Variants in TICRR observed in about 807,000 individuals in gnomAD.
TICRR encodes the protein treslin.
Under a neutral mutation model 178.1 loss-of-function variants are expected in TICRR, and 132 were observed. The ratio of observed to expected loss-of-function variants is 0.74; its 90% CI spans 0.64 to 0.86. The LOEUF is 0.86. Among genes scored for constraint, TICRR ranks in the 40% least tolerant of loss-of-function variants. TICRR has a pLI of 0.00. For missense variants in TICRR, 2,587 were observed against 2,334.3 expected (o/e 1.11, Z -2.23); for synonymous variants, 991 against 900.7 (o/e 1.10, Z -1.79).
At chr15:89,616,957 G>T (rs1388747449) in intron 16 of TICRR, among the ~76,000 whole-genome samples, 1 of 152,072 alleles carries the variant, frequency 6.6e-6, no homozygotes, top group Non-Finnish European at 1.5e-5. Context: ...TCTTTGGCTT[G>T]AGAGCTCTCC....
chr15:89,599,278 C>A (rs1963052897), intron 7 of TICRR, 46 bp from the exon 8 acceptor site: 1 of 1,491,120 alleles, frequency 6.7e-7, no homozygotes, highest in African/African-American at 1.4e-5. Context: ...AATACAAGGA[C>A]TTGAGCAAGA....
chr15:89,600,485 A>C (rs1963074962), intron 8 of TICRR, 100 bp from the exon 9 acceptor site: 1 of 488,014 alleles, frequency 2.0e-6, no homozygotes, highest in African/African-American at 2.0e-5. Context: ...AGAATAGAGA[A>C]GTTTATAAGG....
chr15:89,580,592 A>C (rs1230201762), intron 1 of TICRR, among the ~76,000 whole-genome samples: 1 of 152,242 alleles, frequency 6.6e-6, no homozygotes, highest in Non-Finnish European at 1.5e-5. Context: ...TGAAAAGTTT[A>C]GATAGATTAG....
At chr15:89,581,154 A>G (rs968016392) in intron 1 of TICRR, among the ~76,000 whole-genome samples, 6 of 152,190 alleles carry the variant, frequency 3.9e-5, no homozygotes, top group Non-Finnish European at 7.3e-5. Flanking sequence ...CTTGACTACA[A>G]TGGGAAGTTT....
At chr15:89,590,277 C>T (rs1962888662) in intron 4 of TICRR, among the ~76,000 whole-genome samples, 1 of 152,182 alleles carries the variant, frequency 6.6e-6, no homozygotes, top group African/African-American at 2.4e-5. Context: ...ACTTTGAATT[C>T]AGCTGCTACT....
At chr15:89,576,308 C>T (rs550950569) in intron 1 of TICRR, 68 bp downstream of exon 1, 16 of 1,423,232 alleles carry the variant, frequency 1.1e-5, no homozygotes, top group African/African-American at 2.9e-5. Flanking sequence ...AACTTGGCAG[C>T]GTCCTTAGAA....
In TICRR at chr15:89,621,430, T is replaced by C; in HGVS notation, c.3192T>C (p.Ser1064=). ...ATTCTCCAGTCCAAAGTATTCGGTC[T>C]CCCAAGAGTCTTCTTTTTGGGGCAA... is the stretch of plus-strand genomic sequence containing the variant. ...RENSPVQSIR[S]PKSLLFGAMS... is the part of the protein sequence containing the mutation. Residue 1064 remains serine, a synonymous_variant, in exon 19 of 22, where the codon TCT becomes TCC. Coordinates refer to ENST00000268138, the MANE Select transcript of TICRR (RefSeq NM_152259.4). 1 of 1,611,210 alleles carries C rather than the reference T, an allele frequency of 6.2e-7. No individual in the cohort carries two copies. Among genetic ancestry groups the C allele is most frequent in the Non-Finnish European group, 8.5e-7 (1 of 1,179,278 alleles).
rs138156916 is a variant in TICRR, at chr15:89,592,026, G to A, written c.1412-21G>A. 32 of 1,592,862 alleles carry A rather than the reference G, an allele frequency of 2.0e-5. No homozygotes were observed. In the South Asian group the frequency reaches 2.3e-4, roughly 12 times the overall value. The stretch of plus-strand genomic sequence containing the variant: ...TTCTCATGCTGTTTCCTCTCCTGCC[G>A]CTGCTCCTTTGCTCCAATAGCTTCT... On this transcript the variant is annotated intron_variant, in intron 4 of 21. Coordinates refer to ENST00000268138, the MANE Select transcript of TICRR (RefSeq NM_152259.4).
chr15:89,613,612 T>G (rs1364789731), intron 15 of TICRR, among the ~76,000 whole-genome samples: 2 of 152,170 alleles, frequency 1.3e-5, no homozygotes, highest in Non-Finnish European at 2.9e-5. Context: ...TCTTTTGTCT[T>G]TATCTTCCTT....
At position 89,625,726 on chromosome 15, in the gene TICRR, T is replaced by C. The variant is rs1963510482; in HGVS notation, c.5416T>C (p.Ser1806Pro). ...DSEVSKSKEG[S>P]PSWSAWQLPS... ...AGAAGTTAGTAAGAGTAAAGAGGGG[T>C]CTCCAAGTTGGAGTGCATGGCAGCT... is the stretch of plus-strand genomic sequence containing the variant. The change falls in exon 20 of 22, where the codon TCT becomes CCT. Residue 1806 changes from serine to proline, a missense_variant. Physicochemically the swap from Ser to Pro is moderately conservative, Grantham distance 74. Coordinates refer to ENST00000268138, the MANE Select transcript of TICRR (RefSeq NM_152259.4). The C allele has an allele frequency of 6.2e-7, 1 of 1,612,448 alleles. No homozygotes were observed. Among genetic ancestry groups the C allele is most frequent in the East Asian group, 2.2e-5 (1 of 44,820 alleles).
At chr15:89,589,977 A>T (rs1185856143) in intron 4 of TICRR, among the ~76,000 whole-genome samples, 2 of 152,134 alleles carry the variant, frequency 1.3e-5, no homozygotes, top group Non-Finnish European at 2.9e-5. Flanking sequence ...ATCCTAATAA[A>T]AATTCTAGTT....
chr15:89,575,664 C>G lies in TICRR; in HGVS notation c.78C>G (p.Ala26=). The G allele has an allele frequency of 6.3e-7, 1 of 1,579,726 alleles. No homozygotes were observed. Among genetic ancestry groups the G allele is most frequent in the Non-Finnish European group, 8.6e-7 (1 of 1,165,244 alleles). ...CCCGCCACAGCCGGGTCCGGCGGGCCGCCCTGCGCCTCCTCACCTATCTGA... is the reference window on the plus strand; with the variant it reads ...CCCGCCACAGCCGGGTCCGGCGGGCGGCCCTGCGCCTCCTCACCTATCTGA... ...GAARHSRVRR[A]ALRLLTYLSC... is the part of the protein sequence containing the mutation. The change falls in exon 1 of 22, where the codon GCC becomes GCG. Residue 26 remains alanine, a synonymous_variant. Transcript: ENST00000268138.
rs1309236651 is a variant in TICRR at position 89,601,288 on chromosome 15, TTC to T, written c.2154-5_2154-4del. 1 of 1,613,688 alleles carries T rather than the reference TTC, an allele frequency of 6.2e-7. No homozygotes were observed. Among genetic ancestry groups the T allele is most frequent in the East Asian group, 2.2e-5 (1 of 44,878 alleles). On this transcript the variant is annotated splice_polypyrimidine_tract_variant and splice_region_variant and intron_variant, in intron 9 of 21. Transcript: ENST00000268138. ...AAAGTAGATATGACCAAGTATTTTTTTCTCTCAAGGTGCCAGCTTCAGGTATT... is the reference window on the plus strand; with the variant it reads ...AAAGTAGATATGACCAAGTATTTTTTTCTCAAGGTGCCAGCTTCAGGTATT...
chr15:89,616,651 G>A (rs990782912), intron 16 of TICRR, among the ~76,000 whole-genome samples, 156 bp downstream of exon 16: 8 of 152,208 alleles, frequency 5.3e-5, no homozygotes, highest in African/African-American at 1.9e-4. Context: ...ATGGGAGCAG[G>A]AGAACCATAT....
chr15:89,621,825 G>A (rs1963429817), intron 19 of TICRR, among the ~76,000 whole-genome samples: 1 of 152,036 alleles, frequency 6.6e-6, no homozygotes, highest in Non-Finnish European at 1.5e-5. Context: ...ATTATATACT[G>A]CACAGATACC....
chr15:89,615,306 GAC>G (rs1156289108), intron 15 of TICRR, among the ~76,000 whole-genome samples: 1 of 152,196 alleles, frequency 6.6e-6, no homozygotes. Flanking sequence ...GTTAATGGAT[GAC>G]AGTTATCTGA....
rs1962833695 is a variant in TICRR, at chr15:89,586,955, A to G, written c.1411+1013A>G. ...GACACCATCTGACTTATGTTTTAAC[A>G]GCATTACTCTGGCTTCCATATTGAG... On this transcript the variant is annotated intron_variant, in intron 4 of 21. Transcript: ENST00000268138. 2.6e-5 allele frequency among the ~76,000 whole-genome samples: 4 copies of G among 152,228 alleles called. No homozygotes were observed. In the East Asian group the frequency reaches 7.7e-4, roughly 29 times the overall value.
At chr15:89,603,762 T>A (rs1438132450) in intron 13 of TICRR, among the ~76,000 whole-genome samples, 1 of 152,198 alleles carries the variant, frequency 6.6e-6, no homozygotes, top group South Asian at 2.1e-4. Flanking sequence ...AGTACTGTTT[T>A]TTCCTATGCA....
intron 13 of TICRR, among the ~76,000 whole-genome samples, chr15:89,603,849 A>T (rs1963134143): frequency 1.3e-5 from 2 of 152,210 alleles, no homozygotes; most frequent in African/African-American, 4.8e-5. Flanking sequence ...ATAGCAATAT[A>T]ATATAATAAA....
Sources: allele counts gnomAD v4.1 joint callset (sites outside exome capture counted in the v4.1 genomes callset), GRCh38; gene constraint gnomAD v4.1.1; transcripts MANE v1.5; gene names NCBI Gene and HGNC (gene_info 2026-07-23, HGNC 2026-07-21).